Variants in FOCAD observed in about 807,000 individuals in gnomAD.
The protein encoded by FOCAD is KIAA1797.
Under a neutral mutation model 225.6 loss-of-function variants are expected in FOCAD, and 198 were observed. That is an observed-to-expected ratio of 0.88 (90% confidence interval 0.78 to 0.99). The LOEUF (loss-of-function observed/expected upper bound fraction) is 0.99. Ranked by LOEUF, FOCAD falls within the 50% of genes least tolerant of loss-of-function variation. FOCAD has a pLI of 0.00. For synonymous variants in FOCAD, 897 were observed against 755.0 expected (o/e 1.19, Z -3.08); for missense variants, 2,713 against 2,123.6 (o/e 1.28, Z -5.46).
Position 20,902,245 on chromosome 9 carries a change from C to A in FOCAD, c.2626-4905C>A, listed in dbSNP as rs555083214. On this transcript the variant is annotated intron_variant, in intron 21 of 43. Transcript: ENST00000338382. ...AATCTGTGGAGTGTTGTGGGAGAGG[C>A]ACATATATACTGGAAGTATGGAGAT... Among the ~76,000 whole-genome samples the A allele has an allele frequency of 4.0e-5, 6 of 151,860 alleles. No homozygotes were observed. In the South Asian group the frequency reaches 1.0e-3, roughly 26 times the overall value.
At chr9:20,871,146 G>A (rs193254478) in intron 18 of FOCAD, among the ~76,000 whole-genome samples, 2 of 152,004 alleles carry the variant, frequency 1.3e-5, no homozygotes, top group Non-Finnish European at 2.9e-5. Flanking sequence ...GGAGGTTGCA[G>A]TGAGCTGAGA....
chr9:20,775,143 G>T lies in FOCAD; in HGVS notation c.907-3538G>T, dbSNP rs142326204. 2.2e-4 allele frequency among the ~76,000 whole-genome samples: 33 copies of T among 152,166 alleles called. 1 individual carries two copies. Among genetic ancestry groups the T allele is most frequent in the Middle Eastern group, 3.4e-3 (1 of 294 alleles). On this transcript the variant is annotated intron_variant, in intron 8 of 43. Transcript: ENST00000338382. ...CTCTTTCTACTCTTATATCAGCGTT[G>T]TATCATTGTACATTGAAAATGGATT...
Position 20,789,454 on chromosome 9 carries a change from G to T in FOCAD, c.1301G>T (p.Trp434Leu), listed in dbSNP as rs1563992116. 6.2e-7 allele frequency: 1 copy of T among 1,614,010 alleles called. No homozygotes were observed. The highest frequency in any genetic ancestry group is 8.5e-7 in the Non-Finnish European group (1 of 1,179,980). The stretch of plus-strand genomic sequence containing the variant: ...ACAGACTCGTCTGCTGCAAGTGACT[G>T]GTTGGCTTCAGTAGAGTCATTGCTT... Reference protein sequence around the residue: ...VMTDSSAASDWLASVESLLPI... With the variant: ...VMTDSSAASDLLASVESLLPI... The change falls in exon 11 of 44, where the codon TGG becomes TTG. Residue 434 changes from tryptophan (W) to leucine (L), a missense_variant. Trp to Leu is a moderately conservative substitution (Grantham distance 61, BLOSUM62 -2). Coordinates refer to ENST00000338382, the MANE Select transcript of FOCAD (RefSeq NM_001375567.1).
chr9:20,915,045 A>AT (rs1212523116), intron 23 of FOCAD, among the ~76,000 whole-genome samples: 4 of 152,214 alleles, frequency 2.6e-5, no homozygotes, highest in Non-Finnish European at 5.9e-5. Flanking sequence ...TGGCATTTCC[A>AT]TTTAAGACAA....
chr9:20,718,297 C>T (rs1345296446), intron 3 of FOCAD, among the ~76,000 whole-genome samples: 1 of 152,162 alleles, frequency 6.6e-6, no homozygotes, highest in Non-Finnish European at 1.5e-5. Flanking sequence ...TTGGAAAGGT[C>T]ATACATTGAC....
chr9:20,846,973 G>A (rs1827176721), intron 15 of FOCAD, among the ~76,000 whole-genome samples: 4 of 152,100 alleles, frequency 2.6e-5, no homozygotes, highest in Non-Finnish European at 5.9e-5. Context: ...GCTACTTAGT[G>A]GCATGGGCAA....
intron 21 of FOCAD, among the ~76,000 whole-genome samples, chr9:20,905,571 G>C (rs1046486632): frequency 7.2e-5 from 11 of 151,922 alleles, no homozygotes; most frequent in Admixed American, 2.0e-4. Context: ...ATTGAGTATT[G>C]TTTCTGTTAA....
intron 11 of FOCAD, among the ~76,000 whole-genome samples, chr9:20,800,824 T>G (rs1358224252): frequency 6.6e-6 from 1 of 152,132 alleles, no homozygotes; most frequent in Non-Finnish European, 1.5e-5. Flanking sequence ...AAGTTTGATG[T>G]TCTGAAGCCT....
intron 14 of FOCAD, among the ~76,000 whole-genome samples, chr9:20,822,613 A>T (rs976994665): frequency 1.3e-5 from 2 of 152,024 alleles, no homozygotes; most frequent in African/African-American, 2.4e-5. Context: ...TGCTTTTGTA[A>T]TGAGTATCTG....
chr9:20,686,062 A>G (rs1822646804), intron 1 of FOCAD, among the ~76,000 whole-genome samples: 1 of 152,192 alleles, frequency 6.6e-6, no homozygotes, highest in African/African-American at 2.4e-5. Context: ...CTTTTGGGAT[A>G]TTGTCCACAA....
intron 11 of FOCAD, among the ~76,000 whole-genome samples, chr9:20,807,233 C>G (rs1822554161): frequency 6.6e-6 from 1 of 152,218 alleles, no homozygotes; most frequent in Non-Finnish European, 1.5e-5. Flanking sequence ...CGGTGCTAGA[C>G]TGTTTAGCTA....
At chr9:20,747,279 A>T (rs906152475) in intron 5 of FOCAD, among the ~76,000 whole-genome samples, 2 of 152,112 alleles carry the variant, frequency 1.3e-5, no homozygotes, top group African/African-American at 4.8e-5. Context: ...TATTAAGGAG[A>T]TATATCAGAT....
At chr9:20,936,841 C>T (rs1282085319) in intron 28 of FOCAD, among the ~76,000 whole-genome samples, 1 of 152,130 alleles carries the variant, frequency 6.6e-6, no homozygotes, top group East Asian at 1.9e-4. Flanking sequence ...ATCGTGTCAG[C>T]CCAAAATCTC....
intron 28 of FOCAD, among the ~76,000 whole-genome samples, chr9:20,942,368 A>C (rs1836753861): frequency 6.6e-6 from 1 of 152,216 alleles, no homozygotes; most frequent in South Asian, 2.1e-4. Context: ...CCTGAAAAGC[A>C]AGACTTACAT....
rs1833148525 is a variant in FOCAD at position 20,908,235 on chromosome 9, T to G, written c.2718+993T>G. 3.3e-5 allele frequency among the ~76,000 whole-genome samples: 5 copies of G among 152,172 alleles called. No homozygotes were observed. In the South Asian group the frequency reaches 1.0e-3, roughly 32 times the overall value. ...AAGTAATTTATGTCCCAGAGTAAGA[T>G]TTCCGTGAAGGCTTAAAAGTGAGGT... On this transcript the variant is annotated intron_variant, in intron 22 of 43. Transcript: ENST00000338382.
At chr9:20,735,761 G>A (rs1827108121) in intron 4 of FOCAD, among the ~76,000 whole-genome samples, 2 of 149,090 alleles carry the variant, frequency 1.3e-5, no homozygotes, top group Non-Finnish European at 3.0e-5. Flanking sequence ...GACCTCAAGT[G>A]ATCTTCTGGC....
chr9:20,885,222 G>C lies in FOCAD; in HGVS notation c.2617G>C (p.Val873Leu). ...RSFKQTSLAL[V>L]HEVHIQLSEW... Reference sequence around the variant, plus strand: ...TTTCAAGCAGACTTCACTTGCTCTTGTACATGAGGTAGGTTCCCGTGTCCT... The same window carrying C: ...TTTCAAGCAGACTTCACTTGCTCTTCTACATGAGGTAGGTTCCCGTGTCCT... The change falls in exon 21 of 44, where the codon GTA becomes CTA. Residue 873 changes from valine to leucine, a missense_variant. Transcript: ENST00000338382. 1.3e-6 allele frequency: 2 copies of C among 1,516,124 alleles called. No individual in the cohort carries two copies. Among genetic ancestry groups the C allele is most frequent in the Non-Finnish European group, 8.8e-7 (1 of 1,130,132 alleles). The allele number at this position is 1,516,124 out of a possible 1,614,324, so 93.9% of individuals were successfully genotyped here.
intron 29 of FOCAD, among the ~76,000 whole-genome samples, chr9:20,946,140 A>G (rs182560656): frequency 6.6e-6 from 1 of 152,106 alleles, no homozygotes; most frequent in Admixed American, 6.5e-5. Context: ...TTAAGTTCCC[A>G]CACTAGTGCT....
intron 11 of FOCAD, among the ~76,000 whole-genome samples, chr9:20,798,179 G>T (rs1228754422): frequency 2.0e-5 from 3 of 152,164 alleles, no homozygotes; most frequent in Non-Finnish European, 4.4e-5. Flanking sequence ...AACCAGCCTT[G>T]CATCCTAGGG....
Sources: gnomAD v4.1 joint callset for allele counts (sites outside exome capture counted in the v4.1 genomes callset) on GRCh38, gnomAD v4.1.1 for gene constraint, MANE v1.5 for transcripts, NCBI Gene and HGNC (gene_info 2026-07-23, HGNC 2026-07-21) for gene names.